CAST: variants seen among roughly 807,000 people sequenced by gnomAD.
CAST encodes the protein MIR583 host.
In CAST, 76 loss-of-function variants were observed where a neutral mutation model predicts 119.6. That is an observed-to-expected ratio of 0.64 (90% CI 0.53 to 0.77). The LOEUF (loss-of-function observed/expected upper bound fraction) is 0.77. Ranked by LOEUF, CAST falls within the 30% of genes least tolerant of loss-of-function variation. CAST has a pLI of 0.00. For missense variants in CAST, 953 were observed against 946.5 expected, an observed-to-expected ratio of 1.01 and a Z score of -0.09; for synonymous variants, 319 against 331.6, an observed-to-expected ratio of 0.96 and a Z score of 0.41.
chr5:96,437,720 T>A, the CAST span, among the ~76,000 whole-genome samples: 1 of 152,180 alleles, frequency 6.6e-6, no homozygotes, highest in African/African-American at 2.4e-5. Context: ...GAATCTGCAT[T>A]GTTAATGAGT....
upstream of CAST, among the ~76,000 whole-genome samples, chr5:96,529,138 T>A (rs1367083157): frequency 6.6e-6 from 1 of 152,222 alleles, no homozygotes; most frequent in Non-Finnish European, 1.5e-5. Context: ...TCAGGTGGTG[T>A]CATGATTCAT....
At chr5:96,236,697 C>T in the CAST span, among the ~76,000 whole-genome samples, 1 of 152,148 alleles carries the variant, frequency 6.6e-6, no homozygotes, top group Admixed American at 6.5e-5. Context: ...CCAAATATTG[C>T]ATGTTTCAGA....
the CAST span, among the ~76,000 whole-genome samples, chr5:96,215,809 T>C: frequency 6.6e-6 from 1 of 152,110 alleles, no homozygotes; most frequent in African/African-American, 2.4e-5. Context: ...TAATTTTCAT[T>C]TATTTATGTA....
At chr5:96,180,428 G>A in the CAST span, among the ~76,000 whole-genome samples, 2 of 152,224 alleles carry the variant, frequency 1.3e-5, no homozygotes, top group Non-Finnish European at 2.9e-5. Flanking sequence ...GGGACCATAT[G>A]TAGAGCCTCC....
the CAST span, among the ~76,000 whole-genome samples, chr5:96,220,266 C>T: frequency 1.2e-4 from 19 of 152,304 alleles, no homozygotes; most frequent in African/African-American, 4.1e-4. Context: ...CATGATGCTT[C>T]GGGCTGTGGC....
chr5:96,099,124 G>A, the CAST span, among the ~76,000 whole-genome samples: 14 of 152,124 alleles, frequency 9.2e-5, no homozygotes, highest in East Asian at 1.9e-4. Flanking sequence ...GCTCTTGGCC[G>A]GACTGTTGTT....
intron 1 of CAST, among the ~76,000 whole-genome samples, chr5:96,571,616 G>A (rs897737647): frequency 6.6e-6 from 1 of 152,136 alleles, no homozygotes; most frequent in Admixed American, 6.5e-5. Context: ...AATCATTCCA[G>A]GAAGCAAAGG....
chr5:96,358,695 AC>A, the CAST span, among the ~76,000 whole-genome samples: 1 of 152,152 alleles, frequency 6.6e-6, no homozygotes, highest in Non-Finnish European at 1.5e-5. Flanking sequence ...GGTCTAAGAC[AC>A]TGTTTGTTAT....
At chr5:95,989,421 A>C in the CAST span, among the ~76,000 whole-genome samples, 8 of 152,160 alleles carry the variant, frequency 5.3e-5, no homozygotes, top group Admixed American at 5.2e-4. Context: ...AGTGAGTAGA[A>C]AGTGCTGTCA....
the CAST span, among the ~76,000 whole-genome samples, chr5:96,108,545 G>A: frequency 1.1e-4 from 17 of 152,210 alleles, no homozygotes; most frequent in Non-Finnish European, 2.2e-4. Context: ...CGGGGATCAG[G>A]GGTCAGGGAC....
intron 1 of CAST, among the ~76,000 whole-genome samples, chr5:96,651,524 TAAG>T: frequency 6.6e-6 from 1 of 152,342 alleles, no homozygotes; most frequent in Middle Eastern, 3.4e-3. Flanking sequence ...CTTTCCTTTG[TAAG>T]CTTCGCATCT....
At chr5:96,535,634 C>T (rs1295236980) in intron 1 of CAST, among the ~76,000 whole-genome samples, 3 of 138,214 alleles carry the variant, frequency 2.2e-5, no homozygotes, top group Admixed American at 8.3e-5. Context: ...AGTGCAGTGG[C>T]GCGATCTCGG....
At chr5:96,355,187 C>A in the CAST span, among the ~76,000 whole-genome samples, 48 of 151,868 alleles carry the variant, frequency 3.2e-4, no homozygotes, top group African/African-American at 9.4e-4. Flanking sequence ...CCTAGCCCCC[C>A]ACCCCCTGAC....
chr5:96,307,058 T>A, the CAST span, among the ~76,000 whole-genome samples: 54 of 152,214 alleles, frequency 3.5e-4, no homozygotes, highest in Admixed American at 3.5e-3. Context: ...GGTGTTAAAG[T>A]CTCCCACTAT....
At chr5:96,029,324 G>A in the CAST span, among the ~76,000 whole-genome samples, 2 of 151,900 alleles carry the variant, frequency 1.3e-5, no homozygotes, top group African/African-American at 4.8e-5. Context: ...AATAATATTA[G>A]CAAAAGCTTA....
chr5:96,464,888 T>G, the CAST span, among the ~76,000 whole-genome samples: 1 of 152,040 alleles, frequency 6.6e-6, no homozygotes, highest in Non-Finnish European at 1.5e-5. Flanking sequence ...TTGTAGTTCT[T>G]CTTCACTCCT....
At chr5:96,393,527 C>T in the CAST span, 1 of 949,182 alleles carries the variant, frequency 1.1e-6, no homozygotes, top group East Asian at 2.6e-5. Context: ...GCCACATGGA[C>T]TTGGGCTTCA....
chr5:96,224,779 G>A, the CAST span, among the ~76,000 whole-genome samples: 1 of 152,188 alleles, frequency 6.6e-6, no homozygotes, highest in East Asian at 1.9e-4. Context: ...CTTCTCAGAT[G>A]ATGCATGATG....
chr5:96,485,579 C>T, the CAST span, among the ~76,000 whole-genome samples: 2 of 152,034 alleles, frequency 1.3e-5, no homozygotes, highest in Non-Finnish European at 2.9e-5. Context: ...AAGAGACACC[C>T]AAATATGAAT....
Sources: gnomAD v4.1 joint callset for allele counts (sites outside exome capture counted in the v4.1 genomes callset) on GRCh38, gnomAD v4.1.1 for gene constraint, MANE v1.5 for transcripts, NCBI Gene and HGNC (gene_info 2026-07-23, HGNC 2026-07-21) for gene names.